The following CD180 variants were observed in gnomAD, a reference collection of about 807,000 sequenced individuals.
The protein encoded by CD180 is CD180 antigen.
In CD180, 11 loss-of-function variants were observed where a neutral mutation model predicts 10.7. That is an observed-to-expected ratio of 1.03 (90% CI 0.65 to 1.70). The LOEUF is 1.70. Ranked by LOEUF, CD180 falls within the 40% of genes most tolerant of loss-of-function variation. The probability of loss-of-function intolerance (pLI) is 0.00; values close to 1 mark genes in which losing one functional copy is unlikely to be tolerated. For missense variants in CD180, 729 were observed against 775.2 expected, an observed-to-expected ratio of 0.94 and a Z score of 0.71; for synonymous variants, 286 against 294.6, an observed-to-expected ratio of 0.97 and a Z score of 0.30.
At position 67,183,419 on chromosome 5, in the gene CD180, T is replaced by C. The variant is rs1019014772; in HGVS notation, c.1424A>G (p.Asn475Ser). 1.3e-5 allele frequency: 21 copies of C among 1,614,060 alleles called. No individual in the cohort carries two copies. The highest frequency in any genetic ancestry group is 1.6e-5 in the Non-Finnish European group (19 of 1,180,018). Residue 475 changes from asparagine to serine, a missense_variant, in exon 3 of 3, where the codon AAC (asparagine) becomes AGC (serine). Physicochemically the swap from Asn to Ser is conservative, Grantham distance 46 (BLOSUM62 1). Transcript: ENST00000256447. ...LAGLPVLRHL[N>S]LKGNHFQDGT... ...ATCTTGAAAGTGATTCCCTTTTAAG[T>C]TGAGATGCCGGAGAACTGGTAGGCC...
In CD180 at chr5:67,183,298, T is replaced by C. The variant is rs748618827; in HGVS notation, c.1545A>G (p.Ala515=). The change falls in exon 3 of 3, where the codon GCA becomes GCG. Residue 515 remains alanine (A), a synonymous_variant. Transcript: ENST00000256447. ...SCGLLSIDQQ[A]FHSLGKMSHV... ...GGCTCATTTTTCCCAAGCTGTGGAA[T>C]GCTTGCTGGTCTATAGAGAGGAGAC... 27 of 1,614,188 alleles carry C rather than the reference T, an allele frequency of 1.7e-5. No individual in the cohort carries two copies. The highest frequency in any genetic ancestry group is 2.2e-5 in the Non-Finnish European group (26 of 1,180,024).
In CD180 at chr5:67,183,810, G is replaced by A. The variant is rs765513730; in HGVS notation, c.1033C>T (p.Pro345Ser). 17 of 1,614,018 alleles carry A rather than the reference G, an allele frequency of 1.1e-5. No individual in the cohort carries two copies. In the African/African-American group the frequency reaches 2.1e-4, roughly 20 times the overall value. Reference protein sequence around the residue: ...QLCQISAANFPSLTHLYIRGN... With the variant: ...QLCQISAANFSSLTHLYIRGN... ...CTGATGTAGAGGTGTGTAAGGGAGG[G>A]GAAATTGGCAGCACTGATTTGACAC... Residue 345 changes from proline (P) to serine (S), a missense_variant, in exon 3 of 3, where the codon CCC becomes TCC. Pro to Ser is a moderately conservative substitution (Grantham distance 74). Coordinates refer to ENST00000256447, the MANE Select transcript of CD180 (RefSeq NM_005582.3).
chr5:67,188,952 G>C (rs1416442769), intron 1 of CD180, among the ~76,000 whole-genome samples: 1 of 152,056 alleles, frequency 6.6e-6, no homozygotes, highest in Non-Finnish European at 1.5e-5. Flanking sequence ...GCTGACTGGT[G>C]GGGGAAAAAA....
rs1218046779 is a variant in CD180, at chr5:67,181,023, A to G, written c.*1834T>C. The G allele has an allele frequency of 3.3e-5, 5 of 149,492 alleles. No homozygotes were observed. Among genetic ancestry groups the G allele is most frequent in the African/African-American group, 5.0e-5 (2 of 39,948 alleles). 9.3% of individuals were successfully genotyped at this position (149,492 alleles called of 1,614,324 possible). ...CAAAAAAAAAATTATATATATATATACACACACACATACACACACATACAC... is the reference window on the plus strand; with the variant it reads ...CAAAAAAAAAATTATATATATATATGCACACACACATACACACACATACAC... On this transcript the variant is annotated 3_prime_UTR_variant, in exon 3 of 3. Coordinates refer to ENST00000256447, the MANE Select transcript of CD180 (RefSeq NM_005582.3).
intron 1 of CD180, among the ~76,000 whole-genome samples, chr5:67,188,039 G>T (rs1292036878): frequency 3.9e-5 from 6 of 152,040 alleles, no homozygotes; most frequent in South Asian, 2.1e-4. Context: ...GCGTGGTTGC[G>T]CATGCCTGTA....
At position 67,184,114 on chromosome 5, in the gene CD180, C is replaced by T; in HGVS notation, c.729G>A (p.Gln243=). The change falls in exon 3 of 3, where the codon CAG becomes CAA. Residue 243 remains glutamine, a synonymous_variant. Coordinates refer to ENST00000256447, the MANE Select transcript of CD180 (RefSeq NM_005582.3). ...PNLSVIFNGL[Q]NSTTQSLWLG... is the part of the protein sequence containing the mutation. ...GCCAGAGAGACTGAGTAGTAGAGTT[C>T]TGCAGACCATTGAATATAACAGACA... 6.2e-7 allele frequency: 1 copy of T among 1,614,166 alleles called. No individual in the cohort carries two copies. Among genetic ancestry groups the T allele is most frequent in the Non-Finnish European group, 8.5e-7 (1 of 1,180,022 alleles).
In CD180 at chr5:67,196,537, A is replaced by G. The variant is rs1279422778; in HGVS notation, c.90+15T>C. ...GACAGTTTAATCTGCATAAAGACAA[A>G]CAGTTTGGACTCACCTCAATGCACA... On this transcript the variant is annotated intron_variant, in intron 1 of 2. Coordinates refer to ENST00000256447, the MANE Select transcript of CD180 (RefSeq NM_005582.3). 1.2e-6 allele frequency: 2 copies of G among 1,613,742 alleles called. No homozygotes were observed. Among genetic ancestry groups the G allele is most frequent in the East Asian group, 2.2e-5 (1 of 44,888 alleles).
At chr5:67,189,205 T>C (rs1286388134) in intron 1 of CD180, among the ~76,000 whole-genome samples, 6 of 152,180 alleles carry the variant, frequency 3.9e-5, no homozygotes, top group African/African-American at 1.4e-4. Flanking sequence ...TTTCCCTCCT[T>C]CTCCTGAATA....
intron 1 of CD180, among the ~76,000 whole-genome samples, chr5:67,194,794 C>T (rs1354389383): frequency 6.6e-6 from 1 of 152,178 alleles, no homozygotes; most frequent in Non-Finnish European, 1.5e-5. Context: ...TACTCTTCTC[C>T]TTCTGTTATG....
chr5:67,183,203 T>C lies in CD180; in HGVS notation c.1640A>G (p.Tyr547Cys). Reference sequence around the variant, plus strand: ...AATGCTGTTGGCAGCCAGATTGAGGTAGATTCCCTTAAGATGGCTAAGAGA... The same window carrying C: ...AATGCTGTTGGCAGCCAGATTGAGGCAGATTCCCTTAAGATGGCTAAGAGA... ...IDSLSHLKGI[Y>C]LNLAANSINI... The change falls in exon 3 of 3, where the codon TAC becomes TGC. Residue 547 changes from tyrosine to cysteine, a missense_variant. Coordinates refer to ENST00000256447, the MANE Select transcript of CD180 (RefSeq NM_005582.3). 1.2e-6 allele frequency: 2 copies of C among 1,612,178 alleles called. No homozygotes were observed. The highest frequency in any genetic ancestry group is 1.7e-6 in the Non-Finnish European group (2 of 1,178,498).
chr5:67,196,030 C>T (rs929013650), intron 1 of CD180, among the ~76,000 whole-genome samples: 1 of 152,194 alleles, frequency 6.6e-6, no homozygotes, highest in African/African-American at 2.4e-5. Flanking sequence ...TGGCTCTATT[C>T]TCAGATTTTC....
At chr5:67,190,988 A>G in intron 1 of CD180, 1 of 985,376 alleles carries the variant, frequency 1.0e-6, no homozygotes, top group Non-Finnish European at 1.2e-6. Context: ...CTCCCCATGC[A>G]TCAGAAGTCT....
rs1742036216 is a variant in CD180 at position 67,180,942 on chromosome 5, T to G, written c.*1915A>C. The G allele has an allele frequency of 6.6e-6, 1 of 151,614 alleles. No individual in the cohort carries two copies. The highest frequency in any genetic ancestry group is 2.4e-5 in the African/African-American group (1 of 41,124). 9.4% of individuals were successfully genotyped at this position (151,614 alleles called of 1,614,324 possible). A position where few individuals can be genotyped will look rare whatever the true frequency, so the allele number is the denominator to read the frequency against. On this transcript the variant is annotated 3_prime_UTR_variant, in exon 3 of 3. Coordinates refer to ENST00000256447, the MANE Select transcript of CD180 (RefSeq NM_005582.3). ...GGAACCTGGGAGGCGGAGGTTACAG[T>G]GAGCCAAGATTGCACTATAGCACTC...
chr5:67,186,095 C>G, intron 1 of CD180, 78 bp from the exon 2 acceptor site: 3 of 943,008 alleles, frequency 3.2e-6, no homozygotes, highest in Non-Finnish European at 4.6e-6. Context: ...ATATGTTTTA[C>G]CTTCCGAGCG....
In CD180 at chr5:67,183,807, A is replaced by AG; in HGVS notation, c.1035dup (p.Ser346LeufsTer31). On this transcript the variant is annotated frameshift_variant, in exon 3 of 3. Coordinates refer to ENST00000256447, the MANE Select transcript of CD180 (RefSeq NM_005582.3). LOFTEE classifies it low-confidence loss of function (END_TRUNC). ...CCTCTGATGTAGAGGTGTGTAAGGG[A>AG]GGGGAAATTGGCAGCACTGATTTGA... The AG allele has an allele frequency of 6.2e-7, 1 of 1,614,180 alleles. No individual in the cohort carries two copies. Among genetic ancestry groups the AG allele is most frequent in the Non-Finnish European group, 8.5e-7 (1 of 1,180,028 alleles).
chr5:67,187,721 GAT>G (rs1248341615), intron 1 of CD180, among the ~76,000 whole-genome samples: 1 of 152,180 alleles, frequency 6.6e-6, no homozygotes, highest in Non-Finnish European at 1.5e-5. Context: ...TCCTTGGAAA[GAT>G]ATGAAGGAAA....
At position 67,182,675 on chromosome 5, in the gene CD180, C is replaced by A. The variant is rs1742072614; in HGVS notation, c.*182G>T. 2 of 554,014 alleles carry A rather than the reference C, an allele frequency of 3.6e-6. No homozygotes were observed. Among genetic ancestry groups the A allele is most frequent in the Non-Finnish European group, 6.4e-6 (2 of 314,172 alleles). The allele number at this position is 554,014 out of a possible 1,614,324, so 34.3% of individuals were successfully genotyped here. A position where few individuals can be genotyped will look rare whatever the true frequency, so the allele number is the denominator to read the frequency against. ...GGACTGAGTCATTCGGTGTACTTGCCTAGAAGGTTCTTTAGCTCTGGGACT... is the reference window on the plus strand; with the variant it reads ...GGACTGAGTCATTCGGTGTACTTGCATAGAAGGTTCTTTAGCTCTGGGACT... On this transcript the variant is annotated 3_prime_UTR_variant, in exon 3 of 3. Coordinates refer to ENST00000256447, the MANE Select transcript of CD180 (RefSeq NM_005582.3).
At chr5:67,185,143 T>C (rs1204728937) in intron 2 of CD180, among the ~76,000 whole-genome samples, 1 of 149,426 alleles carries the variant, frequency 6.7e-6, no homozygotes, top group Non-Finnish European at 1.5e-5. Flanking sequence ...CACCATGGAA[T>C]CTCACACTGG....
At chr5:67,196,529 A>G (rs750374428) in intron 1 of CD180, 23 bp downstream of exon 1, 9 of 1,613,574 alleles carry the variant, frequency 5.6e-6, no homozygotes, top group Admixed American at 1.7e-5. Flanking sequence ...TAATCTGCAT[A>G]AAGACAAACA....
Sources: gnomAD v4.1 joint callset for allele counts (sites outside exome capture counted in the v4.1 genomes callset) on GRCh38, gnomAD v4.1.1 for gene constraint, MANE v1.5 for transcripts, NCBI Gene and HGNC (gene_info 2026-07-23, HGNC 2026-07-21) for gene names.